Variants in PRKN observed in about 807,000 individuals in gnomAD.
PRKN encodes E3 ubiquitin-protein ligase parkin.
PRKN carries 56 observed loss-of-function variants against 59.5 expected under a neutral mutation model. The ratio of observed to expected loss-of-function variants is 0.94; its 90% CI spans 0.76 to 1.18. The LOEUF (loss-of-function observed/expected upper bound fraction) is 1.18, where lower values mean the gene tolerates loss of function less well. Ranked by LOEUF, PRKN falls within the 50% of genes most tolerant of loss-of-function variation. The pLI is 0.00. For synonymous variants in PRKN, 250 were observed against 222.1 expected (o/e 1.13, Z -1.12); for missense variants, 657 against 596.4 (o/e 1.10, Z -1.06).
intron 4 of PRKN, among the ~76,000 whole-genome samples, chr6:162,185,538 T>C (rs1053517774): frequency 2.0e-5 from 3 of 152,308 alleles, no homozygotes; most frequent in South Asian, 4.1e-4. Context: ...GTTATCTGCG[T>C]CCTTCATTAT....
At chr6:161,614,696 T>TA (rs1782622710) in intron 7 of PRKN, among the ~76,000 whole-genome samples, 1 of 152,258 alleles carries the variant, frequency 6.6e-6, no homozygotes, top group East Asian at 1.9e-4. Context: ...TCTAGTTTTA[T>TA]AAAAACAAAT....
chr6:162,031,581 G>T (rs1191574584), intron 5 of PRKN, among the ~76,000 whole-genome samples: 1 of 148,132 alleles, frequency 6.8e-6, no homozygotes, highest in Non-Finnish European at 1.5e-5. Flanking sequence ...TGTTGTCCAG[G>T]CTGCTGTACA....
chr6:162,003,235 A>G (rs1341931243), intron 5 of PRKN, among the ~76,000 whole-genome samples: 1 of 151,204 alleles, frequency 6.6e-6, no homozygotes, highest in Non-Finnish European at 1.5e-5. Flanking sequence ...AAATTTGGAC[A>G]TGTCCAGTTT....
In PRKN at chr6:162,163,505, G is replaced by A. The variant is rs192388922; in HGVS notation, c.534+37626C>T. On this transcript the variant is annotated intron_variant, in intron 4 of 11. Transcript: ENST00000366898. ...ATGTGTGCTCTGGCTTGTAGCCCGA[G>A]GAGAACAGAAACAGGGGAAAAACAG... Among the ~76,000 whole-genome samples, 6 of 149,532 alleles carry A rather than the reference G, an allele frequency of 4.0e-5. No homozygotes were observed. The East Asian group carries it at 9.7e-4, about 24-fold the overall frequency.
chr6:162,577,529 G>A (rs1348390279), intron 1 of PRKN, among the ~76,000 whole-genome samples: 1 of 152,070 alleles, frequency 6.6e-6, no homozygotes, highest in East Asian at 1.9e-4. Context: ...GAACCCGGGA[G>A]GCGGGGGGTG....
Position 161,527,155 on chromosome 6 carries a change from A to G in PRKN, c.1083+21699T>C, listed in dbSNP as rs1349466676. Among the ~76,000 whole-genome samples, 1 of 152,174 alleles carries G rather than the reference A, an allele frequency of 6.6e-6. No individual in the cohort carries two copies. The highest frequency in any genetic ancestry group is 1.5e-5 in the Non-Finnish European group (1 of 68,040). On this transcript the variant is annotated intron_variant, in intron 9 of 11. Transcript: ENST00000366898. The surrounding 1 kb of genome is among the most constrained non-coding windows in gnomAD (Gnocchi z 4.6). The stretch of plus-strand genomic sequence containing the variant: ...TCTGTTTCATGAGATTCCTATGACA[A>G]TTATTTTCCTTTATAGATATAGATT...
At chr6:161,833,135 G>A (rs1043912427) in intron 6 of PRKN, among the ~76,000 whole-genome samples, 1 of 152,068 alleles carries the variant, frequency 6.6e-6, no homozygotes, top group African/African-American at 2.4e-5. Flanking sequence ...GACGGAGCCC[G>A]CTCTAAGAGA....
chr6:161,940,974 T>C (rs950660478), intron 6 of PRKN, among the ~76,000 whole-genome samples: 4 of 152,166 alleles, frequency 2.6e-5, no homozygotes, highest in African/African-American at 7.2e-5. Flanking sequence ...AGAATATTAT[T>C]ACTGACAGGA....
intron 6 of PRKN, 22 bp from the exon 7 acceptor site, chr6:161,785,930 T>C: frequency 1.9e-6 from 3 of 1,613,434 alleles, no homozygotes; most frequent in Non-Finnish European, 1.7e-6. Flanking sequence ...AAGGAAGATG[T>C]TTCCTCTAGT....
At chr6:162,550,681 G>C (rs1779300863) in intron 1 of PRKN, among the ~76,000 whole-genome samples, 1 of 152,186 alleles carries the variant, frequency 6.6e-6, no homozygotes, top group Non-Finnish European at 1.5e-5. Context: ...CTAAGCATAT[G>C]TTAGGTTTTA....
intron 2 of PRKN, among the ~76,000 whole-genome samples, chr6:162,332,060 C>A (rs780060985): frequency 6.6e-6 from 1 of 152,134 alleles, no homozygotes; most frequent in Non-Finnish European, 1.5e-5. Context: ...AAGAACTCTG[C>A]CATCTGCTCT....
At chr6:162,636,589 C>T (rs1777721080) in intron 1 of PRKN, among the ~76,000 whole-genome samples, 1 of 152,166 alleles carries the variant, frequency 6.6e-6, no homozygotes, top group Non-Finnish European at 1.5e-5. Flanking sequence ...TTTCTGTTCT[C>T]CAAGTTTTCA....
At position 162,380,454 on chromosome 6, in the gene PRKN, T is replaced by TAC. The variant is rs1554309889; in HGVS notation, c.171+62854_171+62855dup. ...GTGTGTATATATATATATGTATATA[T>TAC]ACACACATATATATGTGTGTATATA... On this transcript the variant is annotated intron_variant, in intron 2 of 11. Coordinates refer to ENST00000366898, the MANE Select transcript of PRKN (RefSeq NM_004562.3). Among the ~76,000 whole-genome samples, 5 of 86,280 alleles carry TAC rather than the reference T, an allele frequency of 5.8e-5. No homozygotes were observed. In the East Asian group the frequency reaches 1.9e-3, roughly 34 times the overall value. The allele number at this position is 86,280 out of a possible 152,430, so 56.6% of individuals were successfully genotyped here.
intron 2 of PRKN, among the ~76,000 whole-genome samples, chr6:162,420,805 T>C (rs1448405708): frequency 2.0e-5 from 3 of 152,158 alleles, no homozygotes; most frequent in East Asian, 3.9e-4. Context: ...CACTTACAGT[T>C]TTAACGGCTT....
intron 1 of PRKN, among the ~76,000 whole-genome samples, chr6:162,453,703 G>C (rs1221428058): frequency 6.6e-6 from 1 of 152,140 alleles, no homozygotes; most frequent in Non-Finnish European, 1.5e-5. Flanking sequence ...AGGAGTTCGA[G>C]ACCAGCCTGG....
intron 7 of PRKN, among the ~76,000 whole-genome samples, chr6:161,704,753 C>G (rs1786411082): frequency 6.6e-6 from 1 of 152,040 alleles, no homozygotes. Flanking sequence ...GTATCCCTTT[C>G]TCTGTATCCA....
intron 1 of PRKN, among the ~76,000 whole-genome samples, chr6:162,619,663 A>G (rs1782574945): frequency 6.6e-6 from 1 of 152,060 alleles, no homozygotes; most frequent in Non-Finnish European, 1.5e-5. Flanking sequence ...GTTGTATAAA[A>G]AGTAATAATA....
intron 1 of PRKN, among the ~76,000 whole-genome samples, chr6:162,529,312 C>T (rs556471638): frequency 2.0e-5 from 3 of 152,220 alleles, no homozygotes; most frequent in Non-Finnish European, 4.4e-5. Flanking sequence ...TTAAAATATC[C>T]TTACACCTGA....
chr6:162,142,187 A>T (rs1484939339), intron 4 of PRKN, among the ~76,000 whole-genome samples: 1 of 152,214 alleles, frequency 6.6e-6, no homozygotes, highest in Non-Finnish European at 1.5e-5. Context: ...ATGAAAATGC[A>T]TAGTGAGAAG....
Sources: allele counts gnomAD v4.1 joint callset (sites outside exome capture counted in the v4.1 genomes callset), GRCh38; gene constraint gnomAD v4.1.1; non-coding constraint Gnocchi (gnomAD v3.1); transcripts MANE v1.5; gene names NCBI Gene and HGNC (gene_info 2026-07-23, HGNC 2026-07-21).